PTPRH: variants seen among roughly 807,000 people sequenced by gnomAD.
PTPRH encodes the protein protein tyrosine phosphatase receptor type H.
A neutral mutation model predicts 130.2 loss-of-function variants in PTPRH; 113 were observed. That is an observed-to-expected ratio of 0.87 (90% CI 0.75 to 1.01). The LOEUF is 1.01. Among genes scored for constraint, PTPRH ranks in the 50% least tolerant of loss-of-function variants. PTPRH has a pLI of 0.00. For missense variants in PTPRH, 1,430 were observed against 1,425.0 expected, an observed-to-expected ratio of 1.00 and a Z score of -0.06; for synonymous variants, 556 against 577.9, an observed-to-expected ratio of 0.96 and a Z score of 0.54.
chr19:55,207,269 G>T, intron 1 of PTPRH, 70 bp from the exon 2 acceptor site: 1 of 1,543,476 alleles, frequency 6.5e-7, no homozygotes, highest in Non-Finnish European at 8.8e-7. Context: ...CCGAGGGGCT[G>T]GGAGGAGCGG....
chr19:55,194,447 T>A, intron 10 of PTPRH: 4 of 826,066 alleles, frequency 4.8e-6, no homozygotes, highest in Non-Finnish European at 6.5e-6. Context: ...GAGAACTTTC[T>A]AAGCAATGGG....
intron 4 of PTPRH, among the ~76,000 whole-genome samples, chr19:55,204,394 C>A (rs1373860835): frequency 6.6e-6 from 1 of 152,202 alleles, no homozygotes; most frequent in Admixed American, 6.5e-5. Flanking sequence ...CGTGAGGCAA[C>A]ATGCCTGGCC....
chr19:55,197,067 C>G (rs1383974498), intron 9 of PTPRH, 50 bp downstream of exon 9: 1 of 1,587,914 alleles, frequency 6.3e-7, no homozygotes, highest in East Asian at 2.2e-5. Context: ...CTCGCAAGGA[C>G]TGTGAGCTAA....
intron 12 of PTPRH, among the ~76,000 whole-genome samples, chr19:55,190,021 A>G (rs2086479090): frequency 6.6e-6 from 1 of 150,666 alleles, no homozygotes; most frequent in African/African-American, 2.5e-5. Flanking sequence ...AATAAAATAA[A>G]ATAAAATAAT....
At chr19:55,186,193 C>T (rs759499562) in intron 16 of PTPRH, 32 bp downstream of exon 16, 3 of 1,594,792 alleles carry the variant, frequency 1.9e-6, no homozygotes, top group Non-Finnish European at 2.6e-6. Flanking sequence ...GGGTCCTGCA[C>T]CCAGTCAGCA....
intron 10 of PTPRH, among the ~76,000 whole-genome samples, chr19:55,196,233 C>A (rs1315258315): frequency 6.6e-6 from 1 of 151,770 alleles, no homozygotes; most frequent in Non-Finnish European, 1.5e-5. Context: ...ACTAAAAATC[C>A]AAAAATTAGC....
In PTPRH at chr19:55,196,691, AAAGG is replaced by A; in HGVS notation, c.2084_2087del (p.Ala695ValfsTer43). 6.2e-7 allele frequency: 1 copy of A among 1,613,978 alleles called. No individual in the cohort carries two copies. Among genetic ancestry groups the A allele is most frequent in the Non-Finnish European group, 8.5e-7 (1 of 1,179,988 alleles). On this transcript the variant is annotated frameshift_variant, in exon 10 of 20. Coordinates refer to ENST00000376350, the MANE Select transcript of PTPRH (RefSeq NM_002842.5). LOFTEE classifies it high-confidence loss of function. The stretch of plus-strand genomic sequence containing the variant: ...CCCGCTGTCCTCCCACCTCCAACTC[AAAGG>A]CCTCGTAGCCTCCCTGGGGGCAGGA...
In PTPRH at chr19:55,186,364, T is replaced by G. The variant is rs779098988; in HGVS notation, c.2644-5A>C. Reference sequence around the variant, plus strand: ...CTCCTGGGGGCTCCAGAGACCCTGGTTGAGGAAGGCAGGCGGGTCAGGGGG... The same window carrying G: ...CTCCTGGGGGCTCCAGAGACCCTGGGTGAGGAAGGCAGGCGGGTCAGGGGG... On this transcript the variant is annotated splice_region_variant and splice_polypyrimidine_tract_variant and intron_variant, in intron 15 of 19. Coordinates refer to ENST00000376350, the MANE Select transcript of PTPRH (RefSeq NM_002842.5). 4.3e-6 allele frequency: 7 copies of G among 1,612,698 alleles called. No homozygotes were observed. The highest frequency in any genetic ancestry group is 2.5e-6 in the Non-Finnish European group (3 of 1,179,404).
intron 3 of PTPRH, among the ~76,000 whole-genome samples, chr19:55,206,419 G>T (rs2087057601): frequency 6.6e-6 from 1 of 151,440 alleles, no homozygotes; most frequent in African/African-American, 2.4e-5. Flanking sequence ...TGCCTCCCGG[G>T]CTCAAGCGAT....
At chr19:55,203,740 C>T (rs756993637) in intron 5 of PTPRH, 42 bp downstream of exon 5, 2 of 1,568,548 alleles carry the variant, frequency 1.3e-6, no homozygotes, top group Admixed American at 1.8e-5. Flanking sequence ...CTACCACTGT[C>T]CTTATAAAAG....
At chr19:55,187,143 A>T (rs1248359167) in intron 14 of PTPRH, among the ~76,000 whole-genome samples, 4 of 151,144 alleles carry the variant, frequency 2.6e-5, no homozygotes, top group African/African-American at 9.7e-5. Flanking sequence ...CAGGAGATCG[A>T]GACCATCCTG....
intron 10 of PTPRH, among the ~76,000 whole-genome samples, chr19:55,194,491 G>A (rs2086629855): frequency 6.6e-6 from 1 of 152,106 alleles, no homozygotes; most frequent in Non-Finnish European, 1.5e-5. Flanking sequence ...AGCATCCACT[G>A]GTCACCACAT....
chr19:55,185,403 T>TC lies in PTPRH; in HGVS notation c.3062+98dup, dbSNP rs149343232. 3.5e-3 allele frequency: 4,631 copies of TC among 1,337,782 alleles called. 142 individuals carry two copies. The African/African-American group carries it at 0.059, about 17-fold the overall frequency. 82.9% of individuals were successfully genotyped at this position (1,337,782 alleles called of 1,614,324 possible). On this transcript the variant is annotated intron_variant, in intron 18 of 19. Transcript: ENST00000376350. ...ATCCACCTCCTCCTTCTCTCCCTCT[T>TC]CACCTCCCCTGTACGTTCCCAGGGT...
chr19:55,182,268 G>C (rs1449330423), intron 18 of PTPRH, 117 bp from the exon 19 acceptor site: 141 of 1,244,048 alleles, frequency 1.1e-4, no homozygotes, highest in Non-Finnish European at 1.6e-4. Flanking sequence ...GCTCACACCT[G>C]TAATCCCAGC....
intron 10 of PTPRH, chr19:55,194,349 A>G: frequency 1.6e-6 from 2 of 1,241,908 alleles, no homozygotes; most frequent in Non-Finnish European, 2.1e-6. Context: ...TACAACCTGT[A>G]CGGGAGACTT....
intron 5 of PTPRH, among the ~76,000 whole-genome samples, chr19:55,203,194 G>A (rs1459414025): frequency 6.6e-6 from 1 of 151,632 alleles, no homozygotes; most frequent in Non-Finnish European, 1.5e-5. Context: ...AGGTGTGGCG[G>A]TGTGCGCCTG....
At chr19:55,189,592 A>G in intron 12 of PTPRH, 2 of 432,566 alleles carry the variant, frequency 4.6e-6, no homozygotes, top group Admixed American at 2.5e-5. Flanking sequence ...CCTTTCCCAG[A>G]TGCATGCTCG....
rs149635366 is a variant in PTPRH, at chr19:55,202,034, A to C, written c.1153+22T>G. 611 of 1,612,622 alleles carry C rather than the reference A, an allele frequency of 3.8e-4. 11 individuals are homozygous for C. The East Asian group carries it at 0.013, about 35-fold the overall frequency. On this transcript the variant is annotated intron_variant, in intron 6 of 19. Transcript: ENST00000376350. ...GTCCCTTAAACAAATAAGAGATCAA[A>C]CAAATGGCGACTGCCTCTCACCTGT...
At chr19:55,200,779 TAAAAATACA>T (rs1206227275) in intron 6 of PTPRH, among the ~76,000 whole-genome samples, 1 of 151,888 alleles carries the variant, frequency 6.6e-6, no homozygotes, top group Non-Finnish European at 1.5e-5. Context: ...CTGTCTCTAC[TAAAAATACA>T]AAAAATTAGC....
Sources: gnomAD v4.1 joint callset for allele counts (sites outside exome capture counted in the v4.1 genomes callset) on GRCh38, gnomAD v4.1.1 for gene constraint, MANE v1.5 for transcripts, NCBI Gene and HGNC (gene_info 2026-07-23, HGNC 2026-07-21) for gene names.